KIF13B: variants seen among roughly 807,000 people sequenced by gnomAD.
KIF13B encodes the protein kinesin family member 13B.
Under a neutral mutation model 222.0 loss-of-function variants are expected in KIF13B, and 127 were observed. The ratio of observed to expected loss-of-function variants is 0.57; its 90% CI spans 0.50 to 0.66. The LOEUF (loss-of-function observed/expected upper bound fraction) is 0.66. KIF13B is among the 30% of genes least tolerant of loss of function. KIF13B has a pLI of 0.00. For missense variants in KIF13B, 2,173 were observed against 2,379.0 expected (o/e 0.91, Z 1.80); for synonymous variants, 976 against 919.0 (o/e 1.06, Z -1.12).
intron 2 of KIF13B, among the ~76,000 whole-genome samples, chr8:29,220,099 G>T (rs1276173166): frequency 6.6e-6 from 1 of 151,910 alleles, no homozygotes; most frequent in Non-Finnish European, 1.5e-5. Flanking sequence ...TGATGATGAT[G>T]AATAAGTTGG....
At chr8:29,118,327 T>TA (rs1208760858) in intron 30 of KIF13B, among the ~76,000 whole-genome samples, 2,338 of 120,656 alleles carry the variant, frequency 0.019, 32 homozygotes, top group African/African-American at 0.032. Context: ...CCATCTCTAC[T>TA]AAAAAAAAAA....
Position 29,117,969 on chromosome 8 carries a change from C to T in KIF13B, c.3660+899G>A, listed in dbSNP as rs576492131. 2.7e-3 allele frequency among the ~76,000 whole-genome samples: 413 copies of T among 152,102 alleles called. 3 individuals are homozygous for T. The highest frequency in any genetic ancestry group is 9.5e-3 in the African/African-American group (396 of 41,498). On this transcript the variant is annotated intron_variant, in intron 30 of 39. Transcript: ENST00000524189. ...GGTCAGGAGTTTGAGACCAGCCTGACCAACATGGTGAAACCCCATCTCTAC... is the reference window on the plus strand; with the variant it reads ...GGTCAGGAGTTTGAGACCAGCCTGATCAACATGGTGAAACCCCATCTCTAC...
At chr8:29,145,656 T>C (rs1263836050) in intron 18 of KIF13B, among the ~76,000 whole-genome samples, 1 of 151,786 alleles carries the variant, frequency 6.6e-6, no homozygotes, top group Non-Finnish European at 1.5e-5. Context: ...AAATAGAATA[T>C]CCAAGATGGA....
chr8:29,133,899 CT>C, intron 22 of KIF13B, 140 bp downstream of exon 22: 1 of 786,498 alleles, frequency 1.3e-6, no homozygotes. Context: ...TGCATTGACA[CT>C]TTTTACTCAA....
chr8:29,141,547 G>A (rs892490147), intron 19 of KIF13B, among the ~76,000 whole-genome samples: 2 of 152,174 alleles, frequency 1.3e-5, no homozygotes, highest in Non-Finnish European at 2.9e-5. Flanking sequence ...ACTCTATGCG[G>A]AAACAGGTCT....
chr8:29,171,746 ATT>A (rs1169474938), intron 10 of KIF13B, among the ~76,000 whole-genome samples: 1 of 145,520 alleles, frequency 6.9e-6, no homozygotes, highest in Non-Finnish European at 1.5e-5. Context: ...AAATCATATA[ATT>A]TTTTTTTCTT....
At chr8:29,179,688 C>G (rs1228702217) in intron 8 of KIF13B, among the ~76,000 whole-genome samples, 2 of 152,220 alleles carry the variant, frequency 1.3e-5, no homozygotes, top group Non-Finnish European at 2.9e-5. Context: ...TGGGGAAATG[C>G]AAGCACATTC....
chr8:29,191,877 T>A (rs1367305270), intron 3 of KIF13B, among the ~76,000 whole-genome samples: 1 of 152,246 alleles, frequency 6.6e-6, no homozygotes, highest in Non-Finnish European at 1.5e-5. Flanking sequence ...GTGATTTTTA[T>A]CTCCGTAAAG....
intron 4 of KIF13B, chr8:29,190,722 A>G: frequency 2.4e-6 from 1 of 409,498 alleles, no homozygotes; most frequent in Non-Finnish European, 4.5e-6. Context: ...TGTGGGACTG[A>G]GCCCTCAGTC....
intron 2 of KIF13B, among the ~76,000 whole-genome samples, chr8:29,198,814 A>G (rs1352460846): frequency 6.6e-6 from 1 of 152,236 alleles, no homozygotes; most frequent in East Asian, 1.9e-4. Flanking sequence ...GAAGTAACTC[A>G]GGAATGAAAA....
At chr8:29,073,209 C>T (rs914378101) in intron 38 of KIF13B, among the ~76,000 whole-genome samples, 2 of 151,278 alleles carry the variant, frequency 1.3e-5, no homozygotes, top group Admixed American at 6.6e-5. Flanking sequence ...CCTTTCTCTC[C>T]AAGGCTGCTG....
At chr8:29,080,442 A>G (rs1807756921) in intron 37 of KIF13B, among the ~76,000 whole-genome samples, 4 of 152,212 alleles carry the variant, frequency 2.6e-5, no homozygotes, top group Admixed American at 2.6e-4. Context: ...GAGGAAAACG[A>G]AGAGTTCCGG....
intron 6 of KIF13B, among the ~76,000 whole-genome samples, chr8:29,183,176 T>G (rs1012763846): frequency 1.3e-5 from 2 of 149,916 alleles, no homozygotes; most frequent in African/African-American, 2.5e-5. Flanking sequence ...TTGTTTTTTT[T>G]TTTTTTTTTT....
At chr8:29,125,598 A>T (rs1266607807) in intron 26 of KIF13B, among the ~76,000 whole-genome samples, 1 of 152,234 alleles carries the variant, frequency 6.6e-6, no homozygotes, top group Non-Finnish European at 1.5e-5. Context: ...CATTTCTATC[A>T]AATTAGAATG....
intron 2 of KIF13B, among the ~76,000 whole-genome samples, chr8:29,231,853 T>C (rs940723879): frequency 1.3e-5 from 2 of 152,190 alleles, no homozygotes. Context: ...AAACTTCTTA[T>C]GCATTACAAA....
chr8:29,155,718 T>A lies in KIF13B; in HGVS notation c.1535+8A>T. 6.2e-7 allele frequency: 1 copy of A among 1,601,680 alleles called. No homozygotes were observed. The highest frequency in any genetic ancestry group is 8.5e-7 in the Non-Finnish European group (1 of 1,173,170). ...CTTGTGATATGAACACTAATTCAAG[T>A]ATGTTACCTGGTGTTCTTCTGAGGA... On this transcript the variant is annotated splice_region_variant and intron_variant, in intron 14 of 39. Transcript: ENST00000524189.
At chr8:29,159,068 G>A (rs981622163) in intron 13 of KIF13B, among the ~76,000 whole-genome samples, 4 of 152,082 alleles carry the variant, frequency 2.6e-5, no homozygotes, top group East Asian at 1.9e-4. Context: ...TTACTTTCCC[G>A]GTCACATTCA....
rs373668415 is a variant in KIF13B, at chr8:29,099,168, G to C, written c.4289C>G (p.Ser1430Cys). The change falls in exon 36 of 40, where the codon TCT (serine) becomes TGT (cysteine). Residue 1430 changes from serine to cysteine, a missense_variant. Ser to Cys is a moderately radical substitution (Grantham distance 112). This residue lies in a region of KIF13B where 693 missense variants were observed against 656.2 expected (regional missense o/e 1.06). Coordinates refer to ENST00000524189, the MANE Select transcript of KIF13B (RefSeq NM_015254.4). Reference protein sequence around the residue: ...SRGIAPAPALSVSPQNNHSPD... With the variant: ...SRGIAPAPALCVSPQNNHSPD... Reference sequence around the variant, plus strand: ...AGAATGGTTATTTTGGGGAGAAACAGAGAGGGCGGGGGCAGGAGCTATTCC... The same window carrying C: ...AGAATGGTTATTTTGGGGAGAAACACAGAGGGCGGGGGCAGGAGCTATTCC... The C allele has an allele frequency of 1.9e-6, 3 of 1,613,824 alleles. No individual in the cohort carries two copies. Among genetic ancestry groups the C allele is most frequent in the Non-Finnish European group, 2.5e-6 (3 of 1,179,732 alleles).
chr8:29,107,503 GGGT>G (rs1302254125), intron 35 of KIF13B, among the ~76,000 whole-genome samples: 1 of 151,974 alleles, frequency 6.6e-6, no homozygotes, highest in Non-Finnish European at 1.5e-5. Context: ...ACTCCAGCCT[GGGT>G]GACAAGAGCG....
Sources: allele counts gnomAD v4.1 joint callset (sites outside exome capture counted in the v4.1 genomes callset), GRCh38; gene constraint gnomAD v4.1.1; regional missense constraint gnomAD v4.1.1; transcripts MANE v1.5; gene names NCBI Gene and HGNC (gene_info 2026-07-23, HGNC 2026-07-21).